CD109: variants seen among roughly 807,000 people sequenced by gnomAD.
CD109 encodes CD109 antigen.
In CD109, 149 loss-of-function variants were observed where a neutral mutation model predicts 165.8. The ratio of observed to expected loss-of-function variants is 0.90; its 90% confidence interval spans 0.79 to 1.03. The LOEUF (loss-of-function observed/expected upper bound fraction) is 1.03. CD109 is among the 50% of genes least tolerant of loss of function. The pLI is 0.00. For missense variants in CD109, 1,712 were observed against 1,677.8 expected, an observed-to-expected ratio of 1.02 and a Z score of -0.36; for synonymous variants, 585 against 592.1, an observed-to-expected ratio of 0.99 and a Z score of 0.18.
chr6:73,680,748 C>A, the CD109 span, among the ~76,000 whole-genome samples: 2 of 152,166 alleles, frequency 1.3e-5, no homozygotes, highest in East Asian at 1.9e-4. Flanking sequence ...CTTAATTGTG[C>A]ACTTAGTGAT....
intron 31 of CD109, among the ~76,000 whole-genome samples, chr6:73,819,315 A>G (rs3005518): frequency 0.12 from 17,645 of 152,208 alleles, 1,444 homozygotes; most frequent in African/African-American, 0.23. Flanking sequence ...CCATTGCTGA[A>G]TGAGTACTAC....
chr6:73,799,579 T>C (rs1435095449), intron 23 of CD109, among the ~76,000 whole-genome samples: 1 of 152,110 alleles, frequency 6.6e-6, no homozygotes, highest in African/African-American at 2.4e-5. Flanking sequence ...CATCACATGG[T>C]GAAAACAAGG....
At chr6:73,773,007 G>A (rs1319938699) in intron 15 of CD109, among the ~76,000 whole-genome samples, 1 of 149,402 alleles carries the variant, frequency 6.7e-6, no homozygotes, top group African/African-American at 2.5e-5. Context: ...TGATTTAACT[G>A]AATATAATAG....
chr6:73,688,771 T>G, the CD109 span, among the ~76,000 whole-genome samples: 2 of 118,250 alleles, frequency 1.7e-5, no homozygotes, highest in African/African-American at 4.2e-5. Context: ...GTTTTTTTTT[T>G]TTTTTTTTTT....
Position 73,762,478 on chromosome 6 carries a change from A to T in CD109, c.853A>T (p.Lys285Ter). Residue 285 changes from lysine to a stop codon, truncating the protein, a stop_gained and splice_region_variant, in exon 8 of 33, where the codon AAG becomes TAG. Coordinates refer to ENST00000287097, the MANE Select transcript of CD109 (RefSeq NM_133493.5). LOFTEE classifies it high-confidence loss of function. ...GKKKNITKTF[K>*]INGSANFSFN... Reference sequence around the variant, plus strand: ...GAAGAAAAATATTACAAAAACATTTAAGGTAACTTTTGCAGACACTTTATA... The same window carrying T: ...GAAGAAAAATATTACAAAAACATTTTAGGTAACTTTTGCAGACACTTTATA... 1 of 1,583,520 alleles carries T rather than the reference A, an allele frequency of 6.3e-7. No individual in the cohort carries two copies. The highest frequency in any genetic ancestry group is 8.7e-7 in the Non-Finnish European group (1 of 1,153,188).
chr6:73,789,681 C>T (rs1035701777), intron 22 of CD109, among the ~76,000 whole-genome samples: 3 of 151,714 alleles, frequency 2.0e-5, no homozygotes, highest in African/African-American at 7.3e-5. Context: ...AGGATGGTCT[C>T]CATCTCCTGA....
rs1241412309 is a variant in CD109 at position 73,827,133 on chromosome 6, A to C, written c.*3500A>C. The C allele has an allele frequency of 1.3e-5, 2 of 152,150 alleles. No homozygotes were observed. Among genetic ancestry groups the C allele is most frequent in the Admixed American group, 1.3e-4 (2 of 15,270 alleles). The allele number at this position is 152,150 out of a possible 1,614,324, so 9.4% of individuals were successfully genotyped here. A position where few individuals can be genotyped will look rare whatever the true frequency, so the allele number is the denominator to read the frequency against. ...TTTTTCTGATTTGCTTTATTGAATG[A>C]TTGAATACTCATTTCTTTCTAAAAA... On this transcript the variant is annotated 3_prime_UTR_variant, in exon 33 of 33. Transcript: ENST00000287097.
chr6:73,700,789 A>ATT (rs1771038502), intron 2 of CD109, among the ~76,000 whole-genome samples: 2 of 79,028 alleles, frequency 2.5e-5, no homozygotes, highest in East Asian at 4.2e-4. Context: ...GATTGATTGT[A>ATT]GTTTTTTTTT....
intron 2 of CD109, among the ~76,000 whole-genome samples, chr6:73,719,295 C>T (rs1416400978): frequency 6.6e-6 from 1 of 152,094 alleles, no homozygotes; most frequent in African/African-American, 2.4e-5. Context: ...TAAGCCGCCC[C>T]CAGATTTAGT....
At chr6:73,701,036 C>T (rs571253391) in intron 2 of CD109, among the ~76,000 whole-genome samples, 6 of 150,464 alleles carry the variant, frequency 4.0e-5, no homozygotes, top group South Asian at 4.2e-4. Flanking sequence ...CTCCTGACCT[C>T]GTGACCTGCC....
chr6:73,748,317 A>G (rs1007647488), intron 5 of CD109, among the ~76,000 whole-genome samples: 2 of 152,180 alleles, frequency 1.3e-5, no homozygotes, highest in Admixed American at 1.3e-4. Flanking sequence ...GTTATTCCCC[A>G]GCTTAAAACT....
chr6:73,729,616 G>T (rs1171028165), intron 3 of CD109, among the ~76,000 whole-genome samples: 1 of 151,694 alleles, frequency 6.6e-6, no homozygotes, highest in Non-Finnish European at 1.5e-5. Context: ...ATGTTCAAGC[G>T]ATTCTCCTGC....
At chr6:73,735,866 A>C (rs1009705979) in intron 4 of CD109, among the ~76,000 whole-genome samples, 3 of 152,172 alleles carry the variant, frequency 2.0e-5, no homozygotes, top group African/African-American at 7.2e-5. Flanking sequence ...AGTGCCTGAC[A>C]CATATTGGGC....
Position 73,806,910 on chromosome 6 carries a change from G to GA in CD109, c.3027_3028insA (p.Leu1010IlefsTer9). 1 of 1,613,882 alleles carries GA rather than the reference G, an allele frequency of 6.2e-7. No homozygotes were observed. Among genetic ancestry groups the GA allele is most frequent in the Non-Finnish European group, 8.5e-7 (1 of 1,179,946 alleles). ...CTTACATAGATATTGATCAGAATGT[G>GA]TTACACAGAACATACACTTGGCTTA... On this transcript the variant is annotated frameshift_variant, in exon 25 of 33. Coordinates refer to ENST00000287097, the MANE Select transcript of CD109 (RefSeq NM_133493.5). LOFTEE classifies it high-confidence loss of function.
At chr6:73,782,852 T>A in intron 18 of CD109, 97 bp downstream of exon 18, 1 of 1,183,220 alleles carries the variant, frequency 8.5e-7, no homozygotes, top group Non-Finnish European at 1.2e-6. Flanking sequence ...ACAAACATAG[T>A]GTAACTAAGA....
chr6:73,747,725 C>T (rs555414558), intron 5 of CD109, among the ~76,000 whole-genome samples: 223 of 152,268 alleles, frequency 1.5e-3, no homozygotes, highest in African/African-American at 5.1e-3. Context: ...CACCTGGCTC[C>T]TCTGCAGCAT....
At chr6:73,812,411 T>C in intron 29 of CD109, 141 bp downstream of exon 29, 3 of 570,410 alleles carry the variant, frequency 5.3e-6, no homozygotes, top group Admixed American at 3.3e-5. Context: ...TATATCACTG[T>C]CTTTAATAAA....
intron 26 of CD109, among the ~76,000 whole-genome samples, chr6:73,808,799 G>C (rs1167380403): frequency 2.2e-5 from 3 of 135,610 alleles, no homozygotes; most frequent in Non-Finnish European, 4.7e-5. Context: ...AGTGGACAGG[G>C]ATCCAGGTGT....
chr6:73,802,845 A>G (rs1386078189), intron 23 of CD109, among the ~76,000 whole-genome samples: 1 of 151,938 alleles, frequency 6.6e-6, no homozygotes, highest in African/African-American at 2.4e-5. Context: ...GATTACAGGC[A>G]TGTGCCACCA....
Sources: allele counts gnomAD v4.1 joint callset (sites outside exome capture counted in the v4.1 genomes callset), GRCh38; gene constraint gnomAD v4.1.1; transcripts MANE v1.5; gene names NCBI Gene and HGNC (gene_info 2026-07-23, HGNC 2026-07-21).